Variants in NUP214 observed in about 807,000 individuals in gnomAD.
The protein encoded by NUP214 is nucleoporin 214.
Under a neutral mutation model 196.2 loss-of-function variants are expected in NUP214, and 79 were observed. The observed-to-expected ratio is 0.40, with a 90% confidence interval of 0.34 to 0.49. The LOEUF (loss-of-function observed/expected upper bound fraction) is 0.49. Ranked by LOEUF, NUP214 falls within the 20% of genes least tolerant of loss-of-function variation. NUP214 has a pLI of 0.58. For synonymous variants in NUP214, 1,020 were observed against 990.5 expected, an observed-to-expected ratio of 1.03 and a Z score of -0.56; for missense variants, 2,468 against 2,539.0, an observed-to-expected ratio of 0.97 and a Z score of 0.60.
intron 14 of NUP214, among the ~76,000 whole-genome samples, chr9:131,148,312 G>A (rs1832144091): frequency 6.6e-6 from 1 of 152,208 alleles, no homozygotes; most frequent in African/African-American, 2.4e-5. Context: ...ATTTATCCAT[G>A]TCGTTGTATG....
intron 30 of NUP214, among the ~76,000 whole-genome samples, chr9:131,212,309 CTGTGATCTCGCTCTGCCCCATTTGCCT>C (rs1331515225): frequency 6.6e-6 from 1 of 152,204 alleles, no homozygotes; most frequent in Non-Finnish European, 1.5e-5. Context: ...CACCCTGGTC[CTGTGATCTCGCTCTGCCCCATTTGCCT>C]TGTGATATTT....
intron 13 of NUP214, among the ~76,000 whole-genome samples, 190 bp from the exon 14 acceptor site, chr9:131,147,300 A>G (rs1197430718): frequency 3.3e-5 from 5 of 152,146 alleles, no homozygotes; most frequent in Non-Finnish European, 7.3e-5. Context: ...TAAAATTTTA[A>G]TATATTTTTT....
At chr9:131,204,435 C>T (rs1405983497) in intron 30 of NUP214, among the ~76,000 whole-genome samples, 1 of 152,170 alleles carries the variant, frequency 6.6e-6, no homozygotes, top group Non-Finnish European at 1.5e-5. Context: ...GCGTTTCCAG[C>T]TTTGAGGGCT....
chr9:131,152,363 C>G (rs1211893370), intron 17 of NUP214, among the ~76,000 whole-genome samples: 2 of 152,164 alleles, frequency 1.3e-5, no homozygotes, highest in African/African-American at 4.8e-5. Context: ...TCAAGCAGTC[C>G]TCCTGCCTTG....
At chr9:131,159,509 A>G (rs1258116374) in intron 18 of NUP214, 23 bp downstream of exon 18, 3 of 1,518,760 alleles carry the variant, frequency 2.0e-6, no homozygotes, top group Admixed American at 3.4e-5. Flanking sequence ...TCTCATCTGC[A>G]ATGTGTTGGA....
chr9:131,230,713 CT>C lies in NUP214; in HGVS notation c.6160del (p.Ser2054LeufsTer89). On this transcript the variant is annotated frameshift_variant, in exon 34 of 36. Transcript: ENST00000359428. LOFTEE classifies it high-confidence loss of function. ...ACTTTCGGATCACTGTCCCAACAGA[CT>C]TCTGGTTTTGGGACCCAGAGTAGCG... ...APTFGSLSQQ[T>X]SGFGTQSSGF... The C allele has an allele frequency of 6.2e-7, 1 of 1,614,162 alleles. No homozygotes were observed. The highest frequency in any genetic ancestry group is 8.5e-7 in the Non-Finnish European group (1 of 1,180,014).
intron 31 of NUP214, among the ~76,000 whole-genome samples, chr9:131,220,765 C>T (rs1206000543): frequency 6.6e-6 from 1 of 152,198 alleles, no homozygotes; most frequent in Non-Finnish European, 1.5e-5. Context: ...ATTAGGTAAT[C>T]TCACCCGGGT....
chr9:131,127,768 A>G, intron 2 of NUP214, 49 bp downstream of exon 2: 5 of 1,381,156 alleles, frequency 3.6e-6, no homozygotes, highest in Non-Finnish European at 5.1e-6. Flanking sequence ...GTATGGTGGC[A>G]TGCTCTTGTG....
At chr9:131,218,753 C>T (rs1834474663) in intron 31 of NUP214, among the ~76,000 whole-genome samples, 1 of 152,120 alleles carries the variant, frequency 6.6e-6, no homozygotes, top group African/African-American at 2.4e-5. Flanking sequence ...GGGCAACTTC[C>T]CACTGACTAT....
At position 131,135,000 on chromosome 9, in the gene NUP214, G is replaced by T; in HGVS notation, c.934G>T (p.Glu312Ter). 6.2e-7 allele frequency: 1 copy of T among 1,606,410 alleles called. No individual in the cohort carries two copies. Residue 312 changes from glutamate to a stop codon, truncating the protein, a stop_gained, in exon 8 of 36, where the codon GAA (glutamate) becomes TAA (stop). Coordinates refer to ENST00000359428, the MANE Select transcript of NUP214 (RefSeq NM_005085.4). LOFTEE classifies it high-confidence loss of function. ...TCATTACTACCTCAGTTACATTGAG[G>T]AATGGTGAGCAGAGAGTCTGGACAG... ...QHHYYLSYIE[E>*]WDLVLAASAA...
intron 29 of NUP214, among the ~76,000 whole-genome samples, chr9:131,199,921 C>T (rs768037245): frequency 5.9e-5 from 9 of 151,978 alleles, no homozygotes; most frequent in South Asian, 2.1e-4. Context: ...TATAAGGACA[C>T]GGTGTTGAAA....
chr9:131,164,035 T>C (rs769241836), intron 20 of NUP214, 26 bp from the exon 21 acceptor site: 2 of 1,613,946 alleles, frequency 1.2e-6, no homozygotes, highest in South Asian at 2.2e-5. Flanking sequence ...GTCTTAATCA[T>C]TTATGGGTTT....
rs1421929160 is a variant in NUP214, at chr9:131,159,451, G to A, written c.2505G>A (p.Glu835=). ...ATGTGAATGATGTTCTAGACTTGGA[G>A]TGGGATCAGCATCTGGAACAAAAGA... The part of the protein sequence containing the change: ...VQDVNDVLDL[E]WDQHLEQKKK... Residue 835 remains glutamate, a synonymous_variant, in exon 18 of 36, where the codon GAG becomes GAA. Coordinates refer to ENST00000359428, the MANE Select transcript of NUP214 (RefSeq NM_005085.4). 1 of 1,614,106 alleles carries A rather than the reference G, an allele frequency of 6.2e-7. No homozygotes were observed. The highest frequency in any genetic ancestry group is 8.5e-7 in the Non-Finnish European group (1 of 1,179,984).
chr9:131,227,326 G>T (rs1235714481), intron 32 of NUP214, among the ~76,000 whole-genome samples: 2 of 152,256 alleles, frequency 1.3e-5, no homozygotes, highest in Non-Finnish European at 2.9e-5. Flanking sequence ...CTGGGCAGCA[G>T]TGTTGGCAAC....
chr9:131,142,132 G>GT (rs145276463), intron 11 of NUP214, among the ~76,000 whole-genome samples: 20 of 151,140 alleles, frequency 1.3e-4, no homozygotes, highest in South Asian at 1.3e-3. Context: ...TCTTTGTGTT[G>GT]TTTTTTTTTC....
chr9:131,179,951 G>A, intron 24 of NUP214, among the ~76,000 whole-genome samples: 1 of 152,214 alleles, frequency 6.6e-6, no homozygotes, highest in Non-Finnish European at 1.5e-5. Context: ...TGTTACATAA[G>A]ATGGGAAAAC....
chr9:131,189,156 G>A lies in NUP214; in HGVS notation c.3574+25G>A, dbSNP rs1833533463. On this transcript the variant is annotated intron_variant, in intron 26 of 35. Coordinates refer to ENST00000359428, the MANE Select transcript of NUP214 (RefSeq NM_005085.4). ...GGTCAGTTTGCATTTTTGTTTTCTT[G>A]AAAAGTGAAAGAAGCACTCCACAAT... is the stretch of plus-strand genomic sequence containing the variant. 3.1e-6 allele frequency: 5 copies of A among 1,594,432 alleles called. No homozygotes were observed. The African/African-American group carries it at 4.0e-5, about 13-fold the overall frequency.
At chr9:131,204,012 C>A (rs918809839) in intron 30 of NUP214, among the ~76,000 whole-genome samples, 10 of 152,318 alleles carry the variant, frequency 6.6e-5, no homozygotes, top group East Asian at 3.9e-4. Flanking sequence ...CAGAGTGATG[C>A]TGCCTCCAGG....
intron 32 of NUP214, 83 bp downstream of exon 32, chr9:131,223,013 G>T (rs1180385716): frequency 1.4e-6 from 2 of 1,396,542 alleles, no homozygotes; most frequent in Non-Finnish European, 2.0e-6. Context: ...CATCTCTAGG[G>T]TGGTTATCTT....
Sources: gnomAD v4.1 joint callset for allele counts (sites outside exome capture counted in the v4.1 genomes callset) on GRCh38, gnomAD v4.1.1 for gene constraint, MANE v1.5 for transcripts, NCBI Gene and HGNC (gene_info 2026-07-23, HGNC 2026-07-21) for gene names.